The following SCARA5 variants were observed in gnomAD, a reference collection of about 807,000 sequenced individuals.
SCARA5 encodes the protein scavenger receptor class A, member 5 (putative).
A neutral mutation model predicts 46.3 loss-of-function variants in SCARA5; 45 were observed. That is an observed-to-expected ratio of 0.97 (90% confidence interval 0.76 to 1.24). SCARA5 has a LOEUF of 1.24. Ranked by LOEUF, SCARA5 falls within the 50% of genes most tolerant of loss-of-function variation. The pLI, the probability that SCARA5 is intolerant of heterozygous loss-of-function variation, is 0.00. For missense variants in SCARA5, 680 were observed against 689.0 expected, an observed-to-expected ratio of 0.99 and a Z score of 0.15; for synonymous variants, 333 against 306.5, an observed-to-expected ratio of 1.09 and a Z score of -0.90.
intron 7 of SCARA5, among the ~76,000 whole-genome samples, chr8:27,897,640 C>T (rs1275841869): frequency 2.0e-5 from 3 of 152,178 alleles, no homozygotes; most frequent in Non-Finnish European, 2.9e-5. Flanking sequence ...ACCGCAGGCT[C>T]GGCTGCCTGT....
intron 3 of SCARA5, among the ~76,000 whole-genome samples, chr8:27,929,396 G>C (rs775458236): frequency 6.6e-6 from 1 of 152,192 alleles, no homozygotes; most frequent in Non-Finnish European, 1.5e-5. Context: ...TGCCAGCTGG[G>C]TAGGTACATG....
chr8:27,973,882 A>G (rs1808482926), intron 2 of SCARA5, among the ~76,000 whole-genome samples: 2 of 152,244 alleles, frequency 1.3e-5, no homozygotes, highest in African/African-American at 2.4e-5. Flanking sequence ...ATGGGGTTGT[A>G]TCAAAAGATT....
chr8:27,961,463 C>T (rs1808292958), intron 3 of SCARA5, among the ~76,000 whole-genome samples: 3 of 152,346 alleles, frequency 2.0e-5, no homozygotes, highest in Admixed American at 6.5e-5. Context: ...GTACAGCCTA[C>T]GAAACCATGA....
intron 5 of SCARA5, 116 bp from the exon 6 acceptor site, chr8:27,907,362 G>T: frequency 1.5e-6 from 1 of 655,258 alleles, no homozygotes; most frequent in South Asian, 2.2e-5. Context: ...TAGCCTCTGT[G>T]TCTGGCTTTT....
At chr8:27,907,960 G>A (rs890034505) in intron 5 of SCARA5, among the ~76,000 whole-genome samples, 1 of 152,162 alleles carries the variant, frequency 6.6e-6, no homozygotes, top group African/African-American at 2.4e-5. Flanking sequence ...ATCATCACAA[G>A]ACATTGGGAG....
chr8:27,909,717 C>A lies in SCARA5; in HGVS notation c.943G>T (p.Gly315Trp), dbSNP rs1369148418. The change falls in exon 5 of 9, where the codon GGG becomes TGG. Residue 315 changes from glycine to tryptophan, a missense_variant. Gly to Trp is a radical substitution (Grantham distance 184). Coordinates refer to ENST00000354914, the MANE Select transcript of SCARA5 (RefSeq NM_173833.6). The stretch of plus-strand genomic sequence containing the variant: ...GGCCTGCCTTCCTTTCCTTCATCCC[C>A]CTGATCACCTTTGGGTCCCGGTGGC... ...KGPPGPKGDQGDEGKEGRPGI... is the reference protein window; with the variant it reads ...KGPPGPKGDQWDEGKEGRPGI... 6.4e-7 allele frequency: 1 copy of A among 1,551,464 alleles called. No homozygotes were observed. Among genetic ancestry groups the A allele is most frequent in the Non-Finnish European group, 8.7e-7 (1 of 1,146,920 alleles).
chr8:27,918,653 AAGGAAG>A (rs1807512599), intron 4 of SCARA5, among the ~76,000 whole-genome samples: 4 of 2,438 alleles, frequency 1.6e-3, no homozygotes, highest in Non-Finnish European at 6.6e-3. Flanking sequence ...GGAGGAGGAA[AAGGAAG>A]ATGAGGAGGA....
chr8:27,887,123 A>G (rs1806909121), intron 7 of SCARA5, among the ~76,000 whole-genome samples: 1 of 152,170 alleles, frequency 6.6e-6, no homozygotes, highest in Admixed American at 6.5e-5. Context: ...GTGATGAGCA[A>G]TGGGACCCCA....
intron 7 of SCARA5, among the ~76,000 whole-genome samples, chr8:27,901,189 T>A (rs1807147320): frequency 6.6e-6 from 1 of 152,166 alleles, no homozygotes; most frequent in Admixed American, 6.5e-5. Context: ...ACCCCCAACT[T>A]CCACGTCCCT....
chr8:27,884,840 A>G (rs1444655395), intron 7 of SCARA5, among the ~76,000 whole-genome samples: 1 of 152,184 alleles, frequency 6.6e-6, no homozygotes, highest in Non-Finnish European at 1.5e-5. Context: ...TAGTCAACAA[A>G]AACAAAACCA....
intron 7 of SCARA5, chr8:27,886,150 C>T (rs1806891549): frequency 6.5e-6 from 1 of 152,860 alleles, no homozygotes; most frequent in African/African-American, 2.4e-5. Context: ...CAAGGCACCA[C>T]TCCACCCAGA....
chr8:27,913,986 C>T lies in SCARA5; in HGVS notation c.917-4243G>A, dbSNP rs769515221. 2.6e-5 allele frequency among the ~76,000 whole-genome samples: 4 copies of T among 152,118 alleles called. No individual in the cohort carries two copies. The East Asian group carries it at 7.7e-4, about 29-fold the overall frequency. On this transcript the variant is annotated intron_variant, in intron 4 of 8. Transcript: ENST00000354914. ...CCCACTGATTTGGTTTGGCTGTGTC[C>T]CCACCCAAATCTCATCTTGAACTGT...
At chr8:27,990,056 C>A (rs1808765827) in intron 1 of SCARA5, among the ~76,000 whole-genome samples, 1 of 152,258 alleles carries the variant, frequency 6.6e-6, no homozygotes, top group Admixed American at 6.5e-5. Context: ...AGGTGTGAGG[C>A]CCCACTGCCA....
At chr8:27,923,140 T>G (rs769863307) in intron 3 of SCARA5, among the ~76,000 whole-genome samples, 1 of 152,228 alleles carries the variant, frequency 6.6e-6, no homozygotes, top group Non-Finnish European at 1.5e-5. Context: ...AAACCTTAAC[T>G]AAGAATGCTT....
intron 7 of SCARA5, among the ~76,000 whole-genome samples, chr8:27,897,095 A>AG (rs1807075754): frequency 6.6e-6 from 1 of 151,386 alleles, no homozygotes; most frequent in Non-Finnish European, 1.5e-5. Context: ...CGGTCTCAAA[A>AG]AAAAAAGAAA....
At chr8:27,963,514 A>G (rs1808321832) in intron 3 of SCARA5, among the ~76,000 whole-genome samples, 2 of 152,174 alleles carry the variant, frequency 1.3e-5, no homozygotes, top group African/African-American at 4.8e-5. Flanking sequence ...AAGGGAAGAG[A>G]ACCCAGTGCC....
chr8:27,872,540 T>C (rs1806656200), intron 8 of SCARA5, among the ~76,000 whole-genome samples: 1 of 152,232 alleles, frequency 6.6e-6, no homozygotes, highest in Admixed American at 6.5e-5. Context: ...GGGATTGCCA[T>C]GCAGTGAATC....
At chr8:27,911,425 G>A (rs7824240) in intron 4 of SCARA5, among the ~76,000 whole-genome samples, 84,027 of 151,718 alleles carry the variant, frequency 0.55, 23,929 homozygotes, top group Non-Finnish European at 0.63. Flanking sequence ...AGGTGTAGTG[G>A]CTCATGCCCG....
At chr8:27,931,797 T>G (rs1046819842) in intron 3 of SCARA5, among the ~76,000 whole-genome samples, 1 of 151,672 alleles carries the variant, frequency 6.6e-6, no homozygotes, top group African/African-American at 2.4e-5. Flanking sequence ...TGGGACTACA[T>G]GCACACGCCA....
Sources: gnomAD v4.1 joint callset for allele counts (sites outside exome capture counted in the v4.1 genomes callset) on GRCh38, gnomAD v4.1.1 for gene constraint, MANE v1.5 for transcripts, NCBI Gene and HGNC (gene_info 2026-07-23, HGNC 2026-07-21) for gene names.